Variants in NAALADL2 observed in about 807,000 individuals in gnomAD.
NAALADL2 encodes N-acetylated alpha-linked acidic dipeptidase like 2.
NAALADL2 carries 76 observed loss-of-function variants against 87.2 expected under a neutral mutation model. That is an observed-to-expected ratio of 0.87 (90% confidence interval 0.72 to 1.05). The LOEUF (loss-of-function observed/expected upper bound fraction) is 1.05. Among genes scored for constraint, NAALADL2 ranks in the 50% least tolerant of loss-of-function variants. The probability of loss-of-function intolerance (pLI) is 0.00; values close to 1 mark genes in which losing one functional copy is unlikely to be tolerated. For missense variants in NAALADL2, 1,089 were observed against 945.8 expected (o/e 1.15, Z -1.99); for synonymous variants, 354 against 331.0 (o/e 1.07, Z -0.75).
chr3:174,722,596 G>T (rs901587264), intron 2 of NAALADL2, among the ~76,000 whole-genome samples: 1 of 152,130 alleles, frequency 6.6e-6, no homozygotes, highest in Admixed American at 6.5e-5. Context: ...CAGCTACTCG[G>T]GAGACTGAGG....
At chr3:174,508,864 T>G (rs1386355620) in intron 1 of NAALADL2, among the ~76,000 whole-genome samples, 2 of 152,168 alleles carry the variant, frequency 1.3e-5, no homozygotes, top group African/African-American at 4.8e-5. Flanking sequence ...GCATGGGTAA[T>G]GTGGCAAACA....
intron 6 of NAALADL2, among the ~76,000 whole-genome samples, chr3:175,451,794 C>T (rs533381960): frequency 3.3e-5 from 5 of 151,846 alleles, no homozygotes; most frequent in Non-Finnish European, 7.4e-5. Flanking sequence ...GCTATTATTT[C>T]CTTATTTCCT....
chr3:175,261,908 A>T (rs1751110870), intron 4 of NAALADL2, among the ~76,000 whole-genome samples: 2 of 152,108 alleles, frequency 1.3e-5, no homozygotes, highest in Admixed American at 1.3e-4. Context: ...GCATGCTTAG[A>T]CAGACAAGCC....
At chr3:175,438,440 T>G (rs1034244314) in intron 5 of NAALADL2, among the ~76,000 whole-genome samples, 2 of 152,158 alleles carry the variant, frequency 1.3e-5, no homozygotes, top group Non-Finnish European at 2.9e-5. Flanking sequence ...GTCTGATTTC[T>G]GTCAAAGTGG....
chr3:175,193,619 A>C (rs1738536903), intron 2 of NAALADL2, among the ~76,000 whole-genome samples: 1 of 151,766 alleles, frequency 6.6e-6, no homozygotes, highest in Non-Finnish European at 1.5e-5. Context: ...ATACCCCTCT[A>C]CCTGTTTCAA....
At chr3:175,044,173 C>G (rs9863471) in intron 1 of NAALADL2, among the ~76,000 whole-genome samples, 37,934 of 151,732 alleles carry the variant, frequency 0.25, 4,895 homozygotes, top group East Asian at 0.38. Flanking sequence ...GTAGCTTGTT[C>G]TTAGTGTGTA....
At chr3:174,737,857 AAAG>A (rs1733365846) in intron 3 of NAALADL2, 1 of 152,176 alleles carries the variant, frequency 6.6e-6, no homozygotes, top group Non-Finnish European at 1.5e-5. Flanking sequence ...AATTTTGAAA[AAAG>A]AAGACTGCAA....
chr3:174,512,982 G>A (rs1315344758), intron 1 of NAALADL2, among the ~76,000 whole-genome samples: 1 of 149,602 alleles, frequency 6.7e-6, no homozygotes, highest in Non-Finnish European at 1.5e-5. Flanking sequence ...TTTTCTGGGA[G>A]ACAGAGTCTC....
At chr3:175,081,858 A>G (rs1326307578) in intron 1 of NAALADL2, among the ~76,000 whole-genome samples, 1 of 151,994 alleles carries the variant, frequency 6.6e-6, no homozygotes, top group African/African-American at 2.4e-5. Flanking sequence ...TATTTTCATG[A>G]CTCTAATATT....
At chr3:175,643,634 G>T (rs1489750518) in intron 11 of NAALADL2, among the ~76,000 whole-genome samples, 1 of 152,134 alleles carries the variant, frequency 6.6e-6, no homozygotes, top group Non-Finnish European at 1.5e-5. Flanking sequence ...AAAAATGATT[G>T]TCAGTGAGAA....
chr3:175,273,970 T>C (rs1690090034), intron 4 of NAALADL2, among the ~76,000 whole-genome samples: 1 of 151,816 alleles, frequency 6.6e-6, no homozygotes, highest in South Asian at 2.1e-4. Flanking sequence ...TTAAGTAAAC[T>C]GTTTTTTGAT....
intron 2 of NAALADL2, among the ~76,000 whole-genome samples, chr3:175,181,718 T>TGTGTGC (rs1553802465): frequency 4.1e-5 from 3 of 72,402 alleles, no homozygotes; most frequent in Non-Finnish European, 2.9e-5. Flanking sequence ...TGTGTGTGTG[T>TGTGTGC]ATATATATGT....
chr3:175,267,881 T>TAAG (rs533520213), intron 4 of NAALADL2, among the ~76,000 whole-genome samples: 253 of 152,322 alleles, frequency 1.7e-3, no homozygotes, highest in Non-Finnish European at 2.5e-3. Context: ...TTAAACATTC[T>TAAG]AAGACTTCAT....
chr3:175,013,100 A>ATATAT lies in NAALADL2; in HGVS notation c.44-83688_44-83687insTATTA, dbSNP rs1560474875. ...ATGTAATACATATTTATATATAAAT[A>ATATAT]TACATATTTATATATAAATATACAT... On this transcript the variant is annotated intron_variant, in intron 1 of 13. Transcript: ENST00000454872. Among the ~76,000 whole-genome samples, 2 of 4,192 alleles carry ATATAT rather than the reference A, an allele frequency of 4.8e-4. 1 individual carries two copies. Among genetic ancestry groups the ATATAT allele is most frequent in the African/African-American group, 1.4e-3 (2 of 1,446 alleles). 2.8% of individuals were successfully genotyped at this position (4,192 alleles called of 152,430 possible).
intron 5 of NAALADL2, among the ~76,000 whole-genome samples, chr3:175,354,438 CAAG>C (rs1324837372): frequency 1.9e-4 from 29 of 151,740 alleles, no homozygotes; most frequent in Non-Finnish European, 2.1e-4. Context: ...TAGTAATACT[CAAG>C]AAATAAAGAC....
intron 7 of NAALADL2, among the ~76,000 whole-genome samples, chr3:175,465,094 A>G (rs148453675): frequency 4.5e-4 from 68 of 152,152 alleles, no homozygotes; most frequent in African/African-American, 1.6e-3. Flanking sequence ...CAAAAAATTG[A>G]CTATTTAATT....
At chr3:175,689,846 C>A (rs1049209001) in intron 11 of NAALADL2, among the ~76,000 whole-genome samples, 2 of 152,084 alleles carry the variant, frequency 1.3e-5, no homozygotes, top group Non-Finnish European at 2.9e-5. Context: ...TTATTAGCTA[C>A]GTTCCAAGAG....
At chr3:175,453,224 T>C (rs567786390) in intron 6 of NAALADL2, among the ~76,000 whole-genome samples, 1 of 152,308 alleles carries the variant, frequency 6.6e-6, no homozygotes, top group Non-Finnish European at 1.5e-5. Flanking sequence ...TTGGAGTTTA[T>C]ATGTGTGATA....
intron 2 of NAALADL2, among the ~76,000 whole-genome samples, chr3:175,224,517 A>T (rs888301443): frequency 2.6e-5 from 4 of 152,100 alleles, no homozygotes; most frequent in Admixed American, 2.6e-4. Context: ...TGCTGAATCC[A>T]AAATCTAGAA....
Sources: allele counts gnomAD v4.1 joint callset (sites outside exome capture counted in the v4.1 genomes callset), GRCh38; gene constraint gnomAD v4.1.1; transcripts MANE v1.5; gene names NCBI Gene and HGNC (gene_info 2026-07-23, HGNC 2026-07-21).